The following YEATS4 variants were observed in gnomAD, a reference collection of about 807,000 sequenced individuals.
The protein encoded by YEATS4 is YEATS domain containing 4.
Under a neutral mutation model 30.1 loss-of-function variants are expected in YEATS4, and 17 were observed. That is an observed-to-expected ratio of 0.56 (90% confidence interval 0.39 to 0.85). The LOEUF (loss-of-function observed/expected upper bound fraction) is 0.85. YEATS4 is among the 40% of genes least tolerant of loss of function. YEATS4 has a pLI of 0.00. For missense variants in YEATS4, 142 were observed against 268.3 expected (o/e 0.53, Z 3.29); for synonymous variants, 85 against 87.5 (o/e 0.97, Z 0.16).
intron 6 of YEATS4, among the ~76,000 whole-genome samples, chr12:69,374,967 GCCCC>G (rs1245331086): frequency 1.3e-5 from 2 of 150,028 alleles, no homozygotes; most frequent in African/African-American, 2.5e-5. Flanking sequence ...GGGCAGGGGC[GCCCC>G]CCACCTCCCA....
chr12:69,392,741 T>C (rs1193023467), downstream of YEATS4, among the ~76,000 whole-genome samples: 1 of 152,198 alleles, frequency 6.6e-6, no homozygotes, highest in African/African-American at 2.4e-5. Flanking sequence ...AACTATAGCT[T>C]GGTGTTGAGT....
chr12:69,417,008 G>A, the YEATS4 span, among the ~76,000 whole-genome samples: 33 of 151,696 alleles, frequency 2.2e-4, no homozygotes, highest in Non-Finnish European at 3.7e-4. Context: ...AGGAGGCGGA[G>A]GTTGCAGTGA....
At chr12:69,377,389 GTCCT>G (rs996431225) in intron 6 of YEATS4, among the ~76,000 whole-genome samples, 4 of 151,770 alleles carry the variant, frequency 2.6e-5, no homozygotes, top group Non-Finnish European at 4.4e-5. Context: ...GTTTCCATCT[GTCCT>G]TCCTTCCTTC....
chr12:69,369,526 A>G (rs1478259964), intron 4 of YEATS4, among the ~76,000 whole-genome samples: 1 of 152,222 alleles, frequency 6.6e-6, no homozygotes, highest in African/African-American at 2.4e-5. Context: ...CTTGACTTTG[A>G]TACTTGCCAG....
the YEATS4 span, among the ~76,000 whole-genome samples, chr12:69,397,077 T>C: frequency 6.6e-6 from 1 of 152,314 alleles, no homozygotes. Flanking sequence ...GGCCATCTGC[T>C]AAAATCCTTG....
the YEATS4 span, among the ~76,000 whole-genome samples, chr12:69,412,235 A>C: frequency 6.6e-6 from 1 of 152,192 alleles, no homozygotes; most frequent in African/African-American, 2.4e-5. Context: ...TACTGTAAAC[A>C]ACATGAGTTG....
the YEATS4 span, among the ~76,000 whole-genome samples, chr12:69,404,521 T>G: frequency 6.6e-6 from 1 of 152,158 alleles, no homozygotes; most frequent in South Asian, 2.1e-4. Context: ...TCTCTGGCTC[T>G]TGCACTCACT....
chr12:69,376,329 G>A (rs903262460), intron 6 of YEATS4, among the ~76,000 whole-genome samples: 1 of 152,204 alleles, frequency 6.6e-6, no homozygotes, highest in African/African-American at 2.4e-5. Flanking sequence ...TTGTGTCACT[G>A]CACTCCAGCC....
intron 6 of YEATS4, among the ~76,000 whole-genome samples, chr12:69,375,717 A>G (rs1413874209): frequency 1.3e-5 from 2 of 152,310 alleles, no homozygotes; most frequent in African/African-American, 4.8e-5. Context: ...CCCAGCCAAC[A>G]CGGCGAAACC....
chr12:69,360,099 C>T, intron 1 of YEATS4, 76 bp downstream of exon 1: 1 of 1,514,026 alleles, frequency 6.6e-7, no homozygotes, highest in South Asian at 1.2e-5. Flanking sequence ...GGGGAGGGCC[C>T]ACTGGGTTTC....
chr12:69,398,096 A>T, the YEATS4 span, among the ~76,000 whole-genome samples: 1 of 152,200 alleles, frequency 6.6e-6, no homozygotes, highest in Non-Finnish European at 1.5e-5. Flanking sequence ...AGCATCATAC[A>T]TAGTGGTAAA....
intron 2 of YEATS4, among the ~76,000 whole-genome samples, chr12:69,365,140 T>C (rs1284173207): frequency 1.3e-5 from 2 of 152,122 alleles, no homozygotes; most frequent in African/African-American, 4.8e-5. Flanking sequence ...ACAGGCTTCC[T>C]TTTTGTTTTT....
At chr12:69,367,306 G>T (rs1875472368) in intron 4 of YEATS4, among the ~76,000 whole-genome samples, 2 of 152,100 alleles carry the variant, frequency 1.3e-5, no homozygotes, top group Non-Finnish European at 2.9e-5. Context: ...GAAGTTTTTA[G>T]ATCTCCTACC....
At chr12:69,398,814 C>CA in the YEATS4 span, among the ~76,000 whole-genome samples, 6,860 of 98,286 alleles carry the variant, frequency 0.07, 197 homozygotes, top group Non-Finnish European at 0.09. Context: ...GACCCTGTCT[C>CA]AAAAAAAAAA....
chr12:69,425,381 CAAT>C, the YEATS4 span, among the ~76,000 whole-genome samples: 101 of 152,138 alleles, frequency 6.6e-4, no homozygotes, highest in Non-Finnish European at 1.3e-3. Flanking sequence ...GCCTGAATAA[CAAT>C]AAGGACAATC....
the YEATS4 span, among the ~76,000 whole-genome samples, chr12:69,420,260 A>G: frequency 3.3e-5 from 5 of 152,142 alleles, no homozygotes; most frequent in Non-Finnish European, 5.9e-5. Flanking sequence ...GATGAGAGGG[A>G]GGAGGCAGGG....
Position 69,381,148 on chromosome 12 carries a change from G to A in YEATS4, c.515-8999G>A, listed in dbSNP as rs146264117. Among the ~76,000 whole-genome samples, 302 of 152,220 alleles carry A rather than the reference G, an allele frequency of 2.0e-3. 2 individuals are homozygous for A. The highest frequency in any genetic ancestry group is 6.8e-3 in the African/African-American group (281 of 41,544). ...GTCCTAATAAGCCTGGGAGTGCTAC[G>A]GGAGACTGGGGCTAATTTCATCCCT... On this transcript the variant is annotated intron_variant, in intron 6 of 6. Coordinates refer to ENST00000247843, the MANE Select transcript of YEATS4 (RefSeq NM_006530.4).
intron 4 of YEATS4, 94 bp from the exon 5 acceptor site, chr12:69,370,612 A>T: frequency 9.8e-7 from 1 of 1,025,594 alleles, no homozygotes; most frequent in Non-Finnish European, 1.4e-6. Context: ...ACATGTATAT[A>T]CTTATTCCAG....
chr12:69,379,583 A>ATTTTTTT lies in YEATS4; in HGVS notation c.514+8639_514+8645dup, dbSNP rs61048163. Among the ~76,000 whole-genome samples, 71 of 72,292 alleles carry ATTTTTTT rather than the reference A, an allele frequency of 9.8e-4. 9 individuals carry two copies. Among genetic ancestry groups the ATTTTTTT allele is most frequent in the Non-Finnish European group, 1.6e-3 (61 of 39,106 alleles). The allele number at this position is 72,292 out of a possible 152,430, so 47.4% of individuals were successfully genotyped here. A position where few individuals can be genotyped will look rare whatever the true frequency, so the allele number is the denominator to read the frequency against. On this transcript the variant is annotated intron_variant, in intron 6 of 6. Coordinates refer to ENST00000247843, the MANE Select transcript of YEATS4 (RefSeq NM_006530.4). Reference sequence around the variant, plus strand: ...CACATGCCACCACTATGCCCAGCTAATTTTTTTTTTTTTTTTTTTTTTTTT... The same window carrying ATTTTTTT: ...CACATGCCACCACTATGCCCAGCTAATTTTTTTTTTTTTTTTTTTTTTTTTTTTTTTT...
Sources: allele counts gnomAD v4.1 joint callset (sites outside exome capture counted in the v4.1 genomes callset), GRCh38; gene constraint gnomAD v4.1.1; transcripts MANE v1.5; gene names NCBI Gene and HGNC (gene_info 2026-07-23, HGNC 2026-07-21).